The following PANX3 variants were observed in gnomAD, a reference collection of about 807,000 sequenced individuals.
PANX3 encodes pannexin 3, also known as pannexin-3.
A neutral mutation model predicts 31.5 loss-of-function variants in PANX3; 18 were observed. The ratio of observed to expected loss-of-function variants is 0.57; its 90% CI spans 0.39 to 0.85. The LOEUF is 0.85. PANX3 is among the 40% of genes least tolerant of loss of function. The pLI is 0.00. For missense variants in PANX3, 426 were observed against 485.4 expected (o/e 0.88, Z 1.15); for synonymous variants, 194 against 201.6 (o/e 0.96, Z 0.32).
chr11:124,618,651 G>A (rs145393714), intron 3 of PANX3, among the ~76,000 whole-genome samples: 3 of 151,918 alleles, frequency 2.0e-5, no homozygotes, highest in African/African-American at 7.3e-5. Context: ...TTTTTGGAGT[G>A]GGGGGGTGGG....
chr11:124,618,096 C>G (rs183328060), intron 3 of PANX3, among the ~76,000 whole-genome samples: 88 of 152,242 alleles, frequency 5.8e-4, no homozygotes, highest in African/African-American at 2.0e-3. Flanking sequence ...GAAATGAAAT[C>G]TACGTTCTGA....
rs1230561152 is a variant in PANX3, at chr11:124,620,229, G to T, written c.*294G>T. 7 of 275,520 alleles carry T rather than the reference G, an allele frequency of 2.5e-5. No homozygotes were observed. The highest frequency in any genetic ancestry group is 4.0e-5 in the Non-Finnish European group (6 of 149,144). The allele number at this position is 275,520 out of a possible 1,614,324, so 17.1% of individuals were successfully genotyped here. ...AAATACAGTCTAGACATGCTGCAAG[G>T]AAAGAAGATTCTAAAGTCCGTTTAT... On this transcript the variant is annotated 3_prime_UTR_variant, in exon 4 of 4. Coordinates refer to ENST00000284288, the MANE Select transcript of PANX3 (RefSeq NM_052959.3).
rs779211605 is a variant in PANX3 at position 124,613,026 on chromosome 11, G to A, written c.228G>A (p.Gln76=). The A allele has an allele frequency of 1.9e-6, 3 of 1,614,174 alleles. No homozygotes were observed. The highest frequency in any genetic ancestry group is 2.5e-6 in the Non-Finnish European group (3 of 1,180,024). Reference sequence around the variant, plus strand: ...CTCCCAGTAACTTCAGCATCCGGCAGGCAGCCTACGTGGACAGCTCCTGCT... The same window carrying A: ...CTCCCAGTAACTTCAGCATCCGGCAAGCAGCCTACGTGGACAGCTCCTGCT... ...CFSPSNFSIR[Q]AAYVDSSCWD... The change falls in exon 2 of 4, where the codon CAG becomes CAA. Residue 76 remains glutamine, a synonymous_variant. Coordinates refer to ENST00000284288, the MANE Select transcript of PANX3 (RefSeq NM_052959.3).
In PANX3 at chr11:124,612,829, G is replaced by A. The variant is rs190893742; in HGVS notation, c.182-151G>A. The A allele has an allele frequency of 6.0e-5, 55 of 917,434 alleles. 1 individual carries two copies. The African/African-American group carries it at 7.6e-4, about 13-fold the overall frequency. 56.8% of individuals were successfully genotyped at this position (917,434 alleles called of 1,614,324 possible). On this transcript the variant is annotated intron_variant, in intron 1 of 3. Transcript: ENST00000284288. ...GTCCAGGAGTGCCCTGTCCTACCGT[G>A]ACATGGCAGTGCTCAACCCAGAAGA...
At position 124,619,950 on chromosome 11, in the gene PANX3, A is replaced by G. The variant is rs762100846; in HGVS notation, c.*15A>G. 1.3e-6 allele frequency: 2 copies of G among 1,571,256 alleles called. No individual in the cohort carries two copies. Among genetic ancestry groups the G allele is most frequent in the South Asian group, 1.2e-5 (1 of 83,810 alleles). ...AACACCCATAGTTAAGAAACCATGG[A>G]GCAAGAAAGCTTGTGGAAAGTCTCT... On this transcript the variant is annotated 3_prime_UTR_variant, in exon 4 of 4. Transcript: ENST00000284288.
Position 124,617,409 on chromosome 11 carries a change from T to A in PANX3, c.460T>A (p.Ser154Thr). The change falls in exon 3 of 4, where the codon TCC (serine) becomes ACC (threonine). Residue 154 changes from serine to threonine, a missense_variant. Transcript: ENST00000284288. ...CGAACTGGACAAATCTTATAATCGC[T>A]CCATCCGCCTCGTGCAGCACATGCT... ...ISELDKSYNR[S>T]IRLVQHMLKI... 1 of 1,614,164 alleles carries A rather than the reference T, an allele frequency of 6.2e-7. No homozygotes were observed. Among genetic ancestry groups the A allele is most frequent in the Non-Finnish European group, 8.5e-7 (1 of 1,180,034 alleles).
chr11:124,619,771 G>A lies in PANX3; in HGVS notation c.1015G>A (p.Glu339Lys), dbSNP rs1191001163. Reference sequence around the variant, plus strand: ...TCTTTTCCTCCGAGCTAACATCTCTGAGCTCATCTCTTTTAGCTGGCTGAG... The same window carrying A: ...TCTTTTCCTCCGAGCTAACATCTCTAAGCTCATCTCTTTTAGCTGGCTGAG... ...ILLFLRANIS[E>K]LISFSWLSVL... The change falls in exon 4 of 4, where the codon GAG (glutamate) becomes AAG (lysine). Residue 339 changes from glutamate (E) to lysine (K), a missense_variant. By Grantham distance (56) the Glu-to-Lys change is moderately conservative (BLOSUM62 1). Coordinates refer to ENST00000284288, the MANE Select transcript of PANX3 (RefSeq NM_052959.3). 1.2e-5 allele frequency: 19 copies of A among 1,613,968 alleles called. No individual in the cohort carries two copies. Among genetic ancestry groups the A allele is most frequent in the Non-Finnish European group, 1.5e-5 (18 of 1,180,032 alleles).
At chr11:124,618,672 T>C (rs923021761) in intron 3 of PANX3, among the ~76,000 whole-genome samples, 1 of 152,034 alleles carries the variant, frequency 6.6e-6, no homozygotes, top group Non-Finnish European at 1.5e-5. Context: ...GGAGACAGGG[T>C]CTCACTCTGT....
chr11:124,614,596 C>G (rs1359705323), intron 2 of PANX3, among the ~76,000 whole-genome samples: 3 of 151,586 alleles, frequency 2.0e-5, no homozygotes, highest in Non-Finnish European at 2.9e-5. Flanking sequence ...CCCAAATTCT[C>G]AGGCTCCACT....
In PANX3 at chr11:124,619,467, G is replaced by C; in HGVS notation, c.711G>C (p.Gln237His). Residue 237 changes from glutamine (Q) to histidine (H), a missense_variant, in exon 4 of 4, where the codon CAG (glutamine) becomes CAC (histidine). By Grantham distance (24) the Gln-to-His change is conservative. Coordinates refer to ENST00000284288, the MANE Select transcript of PANX3 (RefSeq NM_052959.3). ...LGHFHLDVFF[Q>H]EEFSCSIKTG... ...ATTTCCATCTGGATGTCTTCTTCCA[G>C]GAAGAATTCAGCTGCTCCATCAAGA... is the stretch of plus-strand genomic sequence containing the variant. The C allele has an allele frequency of 6.2e-7, 1 of 1,614,172 alleles. No homozygotes were observed. The highest frequency in any genetic ancestry group is 8.5e-7 in the Non-Finnish European group (1 of 1,180,032).
chr11:124,612,876 G>A, intron 1 of PANX3, 104 bp from the exon 2 acceptor site: 1 of 1,418,872 alleles, frequency 7.0e-7, no homozygotes, highest in Non-Finnish European at 9.7e-7. Flanking sequence ...GAAGAAGACA[G>A]TCCCTGCCAG....
intron 3 of PANX3, among the ~76,000 whole-genome samples, chr11:124,618,716 C>G (rs1324135990): frequency 6.6e-6 from 1 of 152,180 alleles, no homozygotes; most frequent in Admixed American, 6.5e-5. Context: ...ACGATCTTGG[C>G]TCATTGCAGC....
chr11:124,616,571 C>T lies in PANX3; in HGVS notation c.325-703C>T, dbSNP rs1863154795. Among the ~76,000 whole-genome samples, 1 of 152,116 alleles carries T rather than the reference C, an allele frequency of 6.6e-6. No individual in the cohort carries two copies. The highest frequency in any genetic ancestry group is 6.5e-5 in the Admixed American group (1 of 15,272). On this transcript the variant is annotated intron_variant, in intron 2 of 3. Transcript: ENST00000284288. This position sits in a 1 kb window ranked among gnomAD's most constrained non-coding sequence, Gnocchi z 4.8. ...TGGACACAATTCAACCCATATCAGT[C>T]CCTTATTGCAGATAGCTAATGATGC... is the stretch of plus-strand genomic sequence containing the variant.
chr11:124,613,535 C>T (rs191381082), intron 2 of PANX3, among the ~76,000 whole-genome samples: 3 of 152,232 alleles, frequency 2.0e-5, no homozygotes, highest in Admixed American at 2.0e-4. Context: ...TGGGTCTCAC[C>T]ATTCAGAGTT....
chr11:124,613,642 C>G (rs1863119789), intron 2 of PANX3, among the ~76,000 whole-genome samples: 1 of 152,166 alleles, frequency 6.6e-6, no homozygotes, highest in Non-Finnish European at 1.5e-5. Context: ...GAGTAACCGT[C>G]AAGCCTCTGT....
At position 124,619,404 on chromosome 11, in the gene PANX3, G is replaced by C. The variant is rs564289254; in HGVS notation, c.648G>C (p.Leu216Phe). ...CCTACCTCCTGAGGAACTCCCTCTTGCTCATCTTCACCTCCGCCACTTACC... is the reference window on the plus strand; with the variant it reads ...CCTACCTCCTGAGGAACTCCCTCTTCCTCATCTTCACCTCCGCCACTTACC... ...VATYLLRNSL[L>F]LIFTSATYLY... The change falls in exon 4 of 4, where the codon TTG (leucine) becomes TTC (phenylalanine). Residue 216 changes from leucine to phenylalanine, a missense_variant. Physicochemically the swap from Leu to Phe is conservative, Grantham distance 22. Coordinates refer to ENST00000284288, the MANE Select transcript of PANX3 (RefSeq NM_052959.3). 5 of 1,613,992 alleles carry C rather than the reference G, an allele frequency of 3.1e-6. No individual in the cohort carries two copies. In the Admixed American group the frequency reaches 8.3e-5, roughly 27 times the overall value.
intron 2 of PANX3, among the ~76,000 whole-genome samples, chr11:124,613,383 T>C (rs1425203500): frequency 6.6e-6 from 1 of 152,174 alleles, no homozygotes; most frequent in Non-Finnish European, 1.5e-5. Context: ...ATTTCATTAG[T>C]ATGTGAAATA....
Position 124,611,641 on chromosome 11 carries a change from C to A in PANX3, c.85C>A (p.Arg29Ser), listed in dbSNP as rs747132649. 4.3e-6 allele frequency: 7 copies of A among 1,614,086 alleles called. No homozygotes were observed. Among genetic ancestry groups the A allele is most frequent in the Admixed American group, 1.7e-5 (1 of 60,012 alleles). Reference sequence around the variant, plus strand: ...CAGGGGACCCCGCCTCAAAGGACTGCGTCTGGAACTGCCCCTGGACCGGAT... The same window carrying A: ...CAGGGGACCCCGCCTCAAAGGACTGAGTCTGGAACTGCCCCTGGACCGGAT... ...DRRGPRLKGLRLELPLDRIVK... is the reference protein window; with the variant it reads ...DRRGPRLKGLSLELPLDRIVK... The change falls in exon 1 of 4, where the codon CGT becomes AGT. Residue 29 changes from arginine (R) to serine (S), a missense_variant. Coordinates refer to ENST00000284288, the MANE Select transcript of PANX3 (RefSeq NM_052959.3).
At position 124,614,184 on chromosome 11, in the gene PANX3, A is replaced by G. The variant is rs574149396; in HGVS notation, c.324+1062A>G. ...CTAAATGGTAAAAAAAAAAAAAAAA[A>G]AAAAAAAGAAAAATAAATTCTGTGG... On this transcript the variant is annotated intron_variant, in intron 2 of 3. Coordinates refer to ENST00000284288, the MANE Select transcript of PANX3 (RefSeq NM_052959.3). Among the ~76,000 whole-genome samples, 521 of 151,542 alleles carry G rather than the reference A, an allele frequency of 3.4e-3. 11 individuals are homozygous for G. In the East Asian group the frequency reaches 0.053, roughly 15 times the overall value.
Sources: gnomAD v4.1 joint callset for allele counts (sites outside exome capture counted in the v4.1 genomes callset) on GRCh38, gnomAD v4.1.1 for gene constraint, Gnocchi (gnomAD v3.1) non-coding constraint, MANE v1.5 for transcripts, NCBI Gene and HGNC (gene_info 2026-07-23, HGNC 2026-07-21) for gene names.